The following SPECC1 variants were observed in gnomAD, a reference collection of about 807,000 sequenced individuals.
The protein encoded by SPECC1 is cytospin-B.
In SPECC1, 62 loss-of-function variants were observed where a neutral mutation model predicts 104.1. That is an observed-to-expected ratio of 0.60 (90% CI 0.49 to 0.74). The LOEUF (loss-of-function observed/expected upper bound fraction) is 0.74, where lower values mean the gene tolerates loss of function less well. Among genes scored for constraint, SPECC1 ranks in the 30% least tolerant of loss-of-function variants. The pLI is 0.00. For missense variants in SPECC1, 1,306 were observed against 1,310.5 expected, an observed-to-expected ratio of 1.00 and a Z score of 0.05; for synonymous variants, 513 against 501.6, an observed-to-expected ratio of 1.02 and a Z score of -0.30.
chr17:20,145,244 C>A (rs930296582), intron 3 of SPECC1, among the ~76,000 whole-genome samples: 1 of 152,118 alleles, frequency 6.6e-6, no homozygotes, highest in East Asian at 1.9e-4. Flanking sequence ...GGCAAGATAG[C>A]GTAATCTCCC....
intron 1 of SPECC1, among the ~76,000 whole-genome samples, chr17:20,011,516 C>T (rs950442185): frequency 2.7e-5 from 4 of 150,806 alleles, no homozygotes; most frequent in Admixed American, 1.3e-4. Context: ...TACCTTTTCT[C>T]TTTTTTTTTG....
At chr17:20,266,477 G>A (rs1028650055) in intron 12 of SPECC1, among the ~76,000 whole-genome samples, 1 of 152,176 alleles carries the variant, frequency 6.6e-6, no homozygotes, top group Admixed American at 6.5e-5. Context: ...CCAGCTGCTC[G>A]GGAGGCTGAG....
intron 7 of SPECC1, chr17:20,239,103 A>G: frequency 2.9e-6 from 3 of 1,029,942 alleles, no homozygotes; most frequent in Non-Finnish European, 3.5e-6. Flanking sequence ...GGCATGGAGT[A>G]AAAATGCTAA....
chr17:20,054,954 A>G (rs1336331285), intron 1 of SPECC1, among the ~76,000 whole-genome samples: 1 of 152,190 alleles, frequency 6.6e-6, no homozygotes, highest in Non-Finnish European at 1.5e-5. Flanking sequence ...TACATTTGTT[A>G]ATCTACCCTT....
chr17:20,202,022 C>T (rs1453211711), intron 3 of SPECC1, among the ~76,000 whole-genome samples: 6 of 152,076 alleles, frequency 3.9e-5, no homozygotes, highest in Non-Finnish European at 8.8e-5. Context: ...TCATTTACTA[C>T]CATAAAATAT....
At chr17:20,234,326 TTCTG>T (rs1189299673) in intron 7 of SPECC1, among the ~76,000 whole-genome samples, 5 of 152,210 alleles carry the variant, frequency 3.3e-5, no homozygotes, top group South Asian at 2.1e-4. Flanking sequence ...ATCAGAACGT[TTCTG>T]TCTGTCAGTG....
intron 3 of SPECC1, among the ~76,000 whole-genome samples, chr17:20,202,842 T>G (rs1218074868): frequency 6.6e-6 from 1 of 152,228 alleles, no homozygotes; most frequent in African/African-American, 2.4e-5. Flanking sequence ...AAGTCTATGA[T>G]ATACTCTTGG....
At chr17:20,232,039 C>T (rs1274183361) in intron 6 of SPECC1, among the ~76,000 whole-genome samples, 161 bp from the exon 7 acceptor site, 2 of 152,256 alleles carry the variant, frequency 1.3e-5, no homozygotes, top group African/African-American at 4.8e-5. Context: ...GGTGTAATTC[C>T]ACCAGTGCCT....
At chr17:20,139,441 A>G (rs189320327) in intron 3 of SPECC1, among the ~76,000 whole-genome samples, 5 of 152,314 alleles carry the variant, frequency 3.3e-5, no homozygotes, top group Admixed American at 2.6e-4. Context: ...AACGACAACA[A>G]AAAAAGTCCC....
chr17:20,198,254 T>TA (rs1555625824), intron 3 of SPECC1, among the ~76,000 whole-genome samples: 1 of 152,178 alleles, frequency 6.6e-6, no homozygotes, highest in Non-Finnish European at 1.5e-5. Context: ...GCCTCAGACT[T>TA]ACGTGGCCTC....
intron 9 of SPECC1, among the ~76,000 whole-genome samples, chr17:20,247,613 AG>A (rs1235675796): frequency 1.2e-4 from 19 of 152,256 alleles, no homozygotes; most frequent in African/African-American, 4.1e-4. Context: ...AAATGAATGA[AG>A]GAATATGTTT....
chr17:20,034,119 C>A (rs1226667517), intron 1 of SPECC1, among the ~76,000 whole-genome samples: 2 of 149,364 alleles, frequency 1.3e-5, no homozygotes, highest in Non-Finnish European at 3.0e-5. Context: ...TCTTTTGAGA[C>A]GGAGTCTCGC....
At chr17:20,161,095 G>A (rs531773004) in intron 3 of SPECC1, among the ~76,000 whole-genome samples, 13 of 152,218 alleles carry the variant, frequency 8.5e-5, no homozygotes, top group Admixed American at 2.0e-4. Flanking sequence ...CCTGTAATCC[G>A]AGCTACTTGG....
intron 3 of SPECC1, chr17:20,156,261 G>A (rs1325396434): frequency 3.8e-6 from 5 of 1,324,100 alleles, no homozygotes; most frequent in East Asian, 3.1e-5. Flanking sequence ...CGGGGGTCGC[G>A]CCGCAGCCGC....
At chr17:20,126,657 G>A (rs1174265046) in intron 3 of SPECC1, among the ~76,000 whole-genome samples, 1 of 152,166 alleles carries the variant, frequency 6.6e-6, no homozygotes, top group Non-Finnish European at 1.5e-5. Context: ...CTCCATTCCA[G>A]GAGTTATTCT....
At chr17:20,279,556 AG>A (rs2040697848) in intron 12 of SPECC1, among the ~76,000 whole-genome samples, 1 of 152,096 alleles carries the variant, frequency 6.6e-6, no homozygotes, top group African/African-American at 2.4e-5. Context: ...TCCCGACCTC[AG>A]GTGATCCGCC....
intron 9 of SPECC1, among the ~76,000 whole-genome samples, chr17:20,248,523 C>T (rs1021778117): frequency 1.3e-5 from 2 of 152,150 alleles, no homozygotes; most frequent in South Asian, 2.1e-4. Flanking sequence ...TTTGCCCTCC[C>T]GCTTACAGTA....
At chr17:20,293,863 G>A (rs1003757378) in intron 12 of SPECC1, among the ~76,000 whole-genome samples, 6 of 152,202 alleles carry the variant, frequency 3.9e-5, no homozygotes, top group Non-Finnish European at 7.4e-5. Context: ...GGGGTGAGCA[G>A]GTGGCCGACA....
intron 1 of SPECC1, among the ~76,000 whole-genome samples, chr17:20,043,569 G>A (rs980403593): frequency 4.6e-5 from 7 of 151,822 alleles, no homozygotes; most frequent in African/African-American, 1.7e-4. Context: ...ATTGTTCCAC[G>A]CGGGGCAAAG....
Sources: gnomAD v4.1 joint callset for allele counts (sites outside exome capture counted in the v4.1 genomes callset) on GRCh38, gnomAD v4.1.1 for gene constraint, MANE v1.5 for transcripts, NCBI Gene and HGNC (gene_info 2026-07-23, HGNC 2026-07-21) for gene names.